RTL9: variants seen among roughly 807,000 people sequenced by gnomAD.
The protein encoded by RTL9 is retrotransposon Gag-like protein 9.
RTL9 carries 19 observed loss-of-function variants against 44.7 expected under a neutral mutation model. That is an observed-to-expected ratio of 0.42 (90% CI 0.30 to 0.62). The LOEUF is 0.62. Among genes scored for constraint, RTL9 ranks in the 20% least tolerant of loss-of-function variants. The pLI is 0.16. For missense variants in RTL9, 1,105 were observed against 1,080.6 expected (o/e 1.02, Z -0.32); for synonymous variants, 407 against 398.9 (o/e 1.02, Z -0.24).
At chrX:110,360,879 G>A (rs1260951593) in intron 1 of RTL9, among the ~76,000 whole-genome samples, 2 of 111,432 alleles carry the variant, frequency 1.8e-5, no homozygotes, top group East Asian at 2.8e-4. Flanking sequence ...ATTTTGTCAC[G>A]GACTGACTTC....
rs1355466738 is a variant in RTL9 at position 110,397,262 on chromosome X, A to G, written c.-168+38346A>G. Among the ~76,000 whole-genome samples, 3 of 111,583 alleles carry G rather than the reference A, an allele frequency of 2.7e-5. No individual in the cohort carries two copies. The Admixed American group carries it at 2.9e-4, about 11-fold the overall frequency. Reference sequence around the variant, plus strand: ...CCTGATATCCCACCCACATTTTCCAAGTAAGTCTCTCAGAGCCTTGTATTC... The same window carrying G: ...CCTGATATCCCACCCACATTTTCCAGGTAAGTCTCTCAGAGCCTTGTATTC... On this transcript the variant is annotated intron_variant, in intron 1 of 2. Coordinates refer to the RTL9 transcript ENST00000520821.
upstream of RTL9, among the ~76,000 whole-genome samples, chrX:110,447,319 T>C (rs2068914211): frequency 9.2e-6 from 1 of 108,744 alleles, no homozygotes. Flanking sequence ...CAAGATCAAA[T>C]GAGATAATGC....
At chrX:110,375,316 G>A (rs182964246) in intron 1 of RTL9, among the ~76,000 whole-genome samples, 7 of 112,057 alleles carry the variant, frequency 6.2e-5, no homozygotes, top group Non-Finnish European at 1.1e-4. Context: ...ACACTGGAAT[G>A]AGCAACAGGA....
rs769421949 is a variant in RTL9 at position 110,420,439 on chromosome X, G to A, written c.-168+1304G>A. On this transcript the variant is annotated intron_variant, in intron 1 of 3. Transcript: ENST00000465301. The stretch of plus-strand genomic sequence containing the variant: ...GGTCAAGCATAGCACTGGGCACAAG[G>A]GTATTCTGGTGCAAGAGGTGCCTCT... 4.5e-5 allele frequency among the ~76,000 whole-genome samples: 5 copies of A among 112,076 alleles called. No individual in the cohort carries two copies. In the East Asian group the frequency reaches 1.4e-3, roughly 31 times the overall value.
upstream of RTL9, among the ~76,000 whole-genome samples, chrX:110,449,950 T>C (rs1176065090): frequency 8.9e-6 from 1 of 112,072 alleles, no homozygotes; most frequent in Non-Finnish European, 1.9e-5. Flanking sequence ...AATAAATAAA[T>C]AGTAGTAATG....
At chrX:110,451,285 C>G (rs367817813) in exon 1 of RTL9, 6 of 1,210,447 alleles carry the variant, frequency 5.0e-6, no homozygotes, top group Non-Finnish European at 6.7e-6. Flanking sequence ...CCAGTGCCAG[C>G]TCCCAGCTCT....
rs375048237 is a variant in RTL9 at position 110,453,427 on chromosome X, C to A, written c.2810C>A (p.Ser937Tyr). The A allele has an allele frequency of 9.1e-6, 11 of 1,210,035 alleles. No individual in the cohort carries two copies. The Admixed American group carries it at 1.1e-4, about 12-fold the overall frequency. ...AGAGCTTCAGCCTCTGGACATATGTCCACTGCACAAACAACAGCCATGGTC... is the reference window on the plus strand; with the variant it reads ...AGAGCTTCAGCCTCTGGACATATGTACACTGCACAAACAACAGCCATGGTC... The change falls in exon 1 of 2, where the codon TCC becomes TAC. Residue 937 changes from serine (S) to tyrosine (Y), a missense_variant. Ser to Tyr is a moderately radical substitution (Grantham distance 144, BLOSUM62 -2). Transcript: ENST00000540313.
chrX:110,377,758 C>T (rs999927561), intron 1 of RTL9, among the ~76,000 whole-genome samples: 2 of 110,484 alleles, frequency 1.8e-5, no homozygotes, highest in Non-Finnish European at 1.9e-5. Flanking sequence ...CATCTCAATC[C>T]CAGCACTTTG....
chrX:110,375,941 T>C (rs182485364), intron 1 of RTL9, among the ~76,000 whole-genome samples: 1 of 111,764 alleles, frequency 8.9e-6, no homozygotes, highest in African/African-American at 3.2e-5. Context: ...ATAGTTAGCA[T>C]TCATTGACTA....
intron 1 of RTL9, among the ~76,000 whole-genome samples, chrX:110,384,347 T>C (rs976909610): frequency 1.8e-5 from 2 of 111,151 alleles, no homozygotes; most frequent in Non-Finnish European, 3.8e-5. Context: ...AATTGTTGTA[T>C]GATCTCAATC....
At chrX:110,450,542 C>T, upstream of RTL9, 1 of 931,165 alleles carries the variant, frequency 1.1e-6, no homozygotes, top group Admixed American at 2.6e-5. Flanking sequence ...GGCTTTTGAC[C>T]TCTAAACTTG....
chrX:110,413,485 G>C (rs768263738), intron 1 of RTL9, among the ~76,000 whole-genome samples: 1 of 109,463 alleles, frequency 9.1e-6, no homozygotes, highest in South Asian at 4.0e-4. Context: ...CCTCGTTGAC[G>C]CTTCTTTATA....
chrX:110,429,042 C>T (rs1034739919), intron 1 of RTL9, among the ~76,000 whole-genome samples: 1 of 111,718 alleles, frequency 9.0e-6, no homozygotes, highest in Non-Finnish European at 1.9e-5. Flanking sequence ...TCTCTTCTAC[C>T]CCACTAGCCA....
intron 1 of RTL9, among the ~76,000 whole-genome samples, chrX:110,367,178 G>A (rs946642591): frequency 8.1e-5 from 9 of 111,708 alleles, no homozygotes; most frequent in Non-Finnish European, 1.3e-4. Context: ...CTTCCCTCAT[G>A]GCATCAATTT....
intron 1 of RTL9, among the ~76,000 whole-genome samples, chrX:110,437,771 C>G (rs371346407): frequency 9.0e-6 from 1 of 111,511 alleles, no homozygotes; most frequent in East Asian, 2.8e-4. Flanking sequence ...GACCTACTCT[C>G]TCTGGGCTGA....
At position 110,450,976 on chromosome X, in the gene RTL9, C is replaced by T. The variant is rs1179439895; in HGVS notation, c.359C>T (p.Ala120Val). The T allele has an allele frequency of 5.0e-6, 6 of 1,211,746 alleles. No homozygotes were observed. In the South Asian group the frequency reaches 7.0e-5, roughly 14 times the overall value. Residue 120 changes from alanine (A) to valine (V), a missense_variant, in exon 1 of 2, where the codon GCC becomes GTC. Physicochemically the swap from Ala to Val is moderately conservative, Grantham distance 64. Transcript: ENST00000540313. ...GCACTGTCCCCATTGCTAATGCCAG[C>T]CTTAGATTCTGGAACATTGTCCCCA...
intron 1 of RTL9, among the ~76,000 whole-genome samples, chrX:110,442,245 CTCTGTGTGTGTG>C (rs1421720909): frequency 3.0e-5 from 3 of 100,785 alleles, no homozygotes; most frequent in East Asian, 6.1e-4. Flanking sequence ...CTCTCTCTCT[CTCTGTGTGTGTG>C]TGTGTGTGTG....
At position 110,453,859 on chromosome X, in the gene RTL9, C is replaced by A. The variant is rs756686152; in HGVS notation, c.3242C>A (p.Thr1081Lys). The A allele has an allele frequency of 1.9e-5, 23 of 1,210,325 alleles. No homozygotes were observed. Among genetic ancestry groups the A allele is most frequent in the Admixed American group, 2.2e-5 (1 of 45,893 alleles). Residue 1081 changes from threonine to lysine, a missense_variant, in exon 1 of 2, where the codon ACA (threonine) becomes AAA (lysine). Physicochemically the swap from Thr to Lys is moderately conservative, Grantham distance 78. Transcript: ENST00000540313. ...CTAATGAGGGCCTCAGGCCCTGGAACAATGTCCACACCACAGACAGCCTTT... is the reference window on the plus strand; with the variant it reads ...CTAATGAGGGCCTCAGGCCCTGGAAAAATGTCCACACCACAGACAGCCTTT...
chrX:110,453,595 C>T (rs2068960853), exon 1 of RTL9: 1 of 1,212,008 alleles, frequency 8.3e-7, no homozygotes, highest in East Asian at 3.0e-5. Flanking sequence ...ACATTGCAAA[C>T]CAGTGTTGCG....
Sources: allele counts gnomAD v4.1 joint callset (sites outside exome capture counted in the v4.1 genomes callset), GRCh38; gene constraint gnomAD v4.1.1; transcripts MANE v1.5; gene names NCBI Gene and HGNC (gene_info 2026-07-23, HGNC 2026-07-21).